Variants in INSL6 observed in about 807,000 individuals in gnomAD.
The protein encoded by INSL6 is insulin-like peptide INSL6.
Under a neutral mutation model 9.4 loss-of-function variants are expected in INSL6, and 16 were observed. The observed-to-expected ratio is 1.70, with a 90% CI of 1.15 to 2.59. The LOEUF is 2.59. Ranked by LOEUF, INSL6 falls within the 30% of genes most tolerant of loss-of-function variation. The pLI is 0.00. For synonymous variants in INSL6, 154 were observed against 96.9 expected (o/e 1.59, Z -3.46); for missense variants, 391 against 257.3 (o/e 1.52, Z -3.56).
At chr9:5,004,637 C>T in the INSL6 span, among the ~76,000 whole-genome samples, 1 of 151,990 alleles carries the variant, frequency 6.6e-6, no homozygotes. Flanking sequence ...TTTTTAGTTC[C>T]AATACCCAGA....
chr9:5,168,081 C>A (rs983769808), intron 1 of INSL6, among the ~76,000 whole-genome samples: 7 of 152,122 alleles, frequency 4.6e-5, no homozygotes, highest in African/African-American at 1.7e-4. Context: ...AGGTCATTGG[C>A]CTCAAAGATC....
At chr9:5,162,121 G>C (rs777700609), downstream of INSL6, among the ~76,000 whole-genome samples, 1 of 151,778 alleles carries the variant, frequency 6.6e-6, no homozygotes, top group African/African-American at 2.4e-5. Context: ...GACATCAGTA[G>C]TACTGAGCAA....
chr9:5,064,445 G>A, the INSL6 span, among the ~76,000 whole-genome samples: 5 of 151,386 alleles, frequency 3.3e-5, no homozygotes, highest in African/African-American at 7.3e-5. Flanking sequence ...TGGGTGGATC[G>A]CTTGAGCCTG....
the INSL6 span, among the ~76,000 whole-genome samples, chr9:5,011,136 T>G: frequency 6.6e-6 from 1 of 152,228 alleles, no homozygotes; most frequent in Non-Finnish European, 1.5e-5. Context: ...TTTGGATCGG[T>G]GGTTTGATTT....
chr9:5,065,024 T>A, the INSL6 span: 2 of 1,590,084 alleles, frequency 1.3e-6, no homozygotes, highest in Non-Finnish European at 1.7e-6. Context: ...ACAAAGCAAC[T>A]GTCATGGCCC....
intron 3 of INSL6, among the ~76,000 whole-genome samples, chr9:5,131,018 C>T (rs530385442): frequency 2.0e-5 from 3 of 151,966 alleles, no homozygotes; most frequent in Non-Finnish European, 2.9e-5. Flanking sequence ...CGTGAGCCAC[C>T]GCGCCCAGCC....
At chr9:5,099,522 TAATC>T in the INSL6 span, 1 of 152,152 alleles carries the variant, frequency 6.6e-6, no homozygotes. Context: ...ACACCAAAAA[TAATC>T]AAAACACAAA....
At chr9:5,041,617 T>G in the INSL6 span, 17 of 496,310 alleles carry the variant, frequency 3.4e-5, no homozygotes, top group Admixed American at 7.1e-5. Flanking sequence ...TGTGACTACA[T>G]GCGGCGCCTG....
the INSL6 span, chr9:5,111,224 G>C: frequency 5.1e-6 from 3 of 583,858 alleles, no homozygotes; most frequent in Non-Finnish European, 9.6e-6. Flanking sequence ...AGCAGCTAGC[G>C]CGGGCCTATT....
chr9:5,069,061 A>G, the INSL6 span: 1 of 1,603,328 alleles, frequency 6.2e-7, no homozygotes, highest in Non-Finnish European at 8.5e-7. Context: ...TTTGATTACA[A>G]AAAATGAGAA....
chr9:5,081,203 C>T, the INSL6 span, among the ~76,000 whole-genome samples: 1 of 151,904 alleles, frequency 6.6e-6, no homozygotes, highest in Admixed American at 6.6e-5. Flanking sequence ...CCAAAAAGAC[C>T]TTTTCTTTCA....
the INSL6 span, among the ~76,000 whole-genome samples, chr9:5,104,723 C>G: frequency 7.2e-5 from 11 of 152,330 alleles, no homozygotes; most frequent in East Asian, 2.1e-3. Flanking sequence ...ATCAAGTCGG[C>G]TTCATCCCTA....
At chr9:5,104,093 C>G in the INSL6 span, among the ~76,000 whole-genome samples, 2 of 151,422 alleles carry the variant, frequency 1.3e-5, no homozygotes, top group Non-Finnish European at 3.0e-5. Flanking sequence ...GAGATAGAGA[C>G]ACAACTCTTC....
the INSL6 span, among the ~76,000 whole-genome samples, chr9:5,103,189 G>A: frequency 1.0e-5 from 1 of 95,640 alleles, no homozygotes; most frequent in African/African-American, 4.6e-5. Context: ...AAAATAAAGG[G>A]ATGGAGGAAG....
chr9:5,154,333 TA>T (rs1159296004), intron 2 of INSL6, among the ~76,000 whole-genome samples: 1 of 152,202 alleles, frequency 6.6e-6, no homozygotes, highest in Non-Finnish European at 1.5e-5. Flanking sequence ...CAAGATGGAT[TA>T]AAGACTTAAA....
chr9:4,995,207 C>G, the INSL6 span, among the ~76,000 whole-genome samples: 1 of 152,144 alleles, frequency 6.6e-6, no homozygotes, highest in South Asian at 2.1e-4. Context: ...TCTTGGCCCA[C>G]TTTCTATTGG....
the INSL6 span, among the ~76,000 whole-genome samples, chr9:5,072,792 T>C: frequency 3.0e-3 from 457 of 152,288 alleles, 1 homozygote; most frequent in African/African-American, 0.011. Flanking sequence ...TTACAGGGTT[T>C]GAAAATTACC....
the INSL6 span, among the ~76,000 whole-genome samples, chr9:5,045,636 C>G: frequency 1.1e-4 from 16 of 152,128 alleles, no homozygotes; most frequent in Non-Finnish European, 1.0e-4. Flanking sequence ...TCTGCCTTTT[C>G]TATGTACCTC....
At chr9:5,056,342 C>G in the INSL6 span, among the ~76,000 whole-genome samples, 3 of 151,902 alleles carry the variant, frequency 2.0e-5, no homozygotes, top group Non-Finnish European at 4.4e-5. Flanking sequence ...TTATTTTATA[C>G]TTTGCTCTTA....
Sources: gnomAD v4.1 joint callset for allele counts (sites outside exome capture counted in the v4.1 genomes callset) on GRCh38, gnomAD v4.1.1 for gene constraint, MANE v1.5 for transcripts, NCBI Gene and HGNC (gene_info 2026-07-23, HGNC 2026-07-21) for gene names.